MYO5B: variants seen among roughly 807,000 people sequenced by gnomAD.
MYO5B encodes unconventional myosin-Vb.
A neutral mutation model predicts 229.3 loss-of-function variants in MYO5B; 143 were observed. The observed-to-expected ratio is 0.62, with a 90% CI of 0.54 to 0.72. MYO5B has a LOEUF of 0.72. Ranked by LOEUF, MYO5B falls within the 30% of genes least tolerant of loss-of-function variation. The probability of loss-of-function intolerance (pLI) is 0.00; values close to 1 mark genes in which losing one functional copy is unlikely to be tolerated. For missense variants in MYO5B, 2,321 were observed against 2,331.0 expected (o/e 1.00, Z 0.09); for synonymous variants, 918 against 885.2 (o/e 1.04, Z -0.66).
chr18:50,107,458 T>C (rs138014776), intron 1 of MYO5B, among the ~76,000 whole-genome samples: 60 of 152,272 alleles, frequency 3.9e-4, no homozygotes, highest in Non-Finnish European at 7.3e-4. Context: ...AGTTCTACCG[T>C]ATTCTCACAT....
chr18:49,937,030 C>T (rs559024961), intron 15 of MYO5B, among the ~76,000 whole-genome samples: 68 of 152,334 alleles, frequency 4.5e-4, no homozygotes, highest in African/African-American at 1.5e-3. Flanking sequence ...ATGGAGGCTA[C>T]GGTCGGCCCC....
At chr18:49,949,760 TA>T (rs1249454173) in intron 14 of MYO5B, among the ~76,000 whole-genome samples, 7 of 152,186 alleles carry the variant, frequency 4.6e-5, no homozygotes. Context: ...TGAAAACCAA[TA>T]AAAAATTAAG....
intron 16 of MYO5B, among the ~76,000 whole-genome samples, chr18:49,934,093 C>G (rs2025224009): frequency 1.3e-5 from 2 of 152,204 alleles, no homozygotes; most frequent in Admixed American, 1.3e-4. Context: ...CCAGGCCGCT[C>G]TCAAACTCCT....
chr18:50,041,078 G>A (rs750713103), intron 2 of MYO5B, among the ~76,000 whole-genome samples: 1 of 152,124 alleles, frequency 6.6e-6, no homozygotes, highest in Non-Finnish European at 1.5e-5. Flanking sequence ...TTAAACAGGA[G>A]GAACTTGGCT....
At chr18:50,114,105 C>T (rs1037081527) in intron 1 of MYO5B, among the ~76,000 whole-genome samples, 2 of 152,156 alleles carry the variant, frequency 1.3e-5, no homozygotes, top group Non-Finnish European at 1.5e-5. Context: ...GGCTTAATGT[C>T]GGCCCTGTAA....
chr18:49,921,443 CCT>C (rs1381518128), intron 17 of MYO5B, among the ~76,000 whole-genome samples: 1 of 152,024 alleles, frequency 6.6e-6, no homozygotes, highest in Non-Finnish European at 1.5e-5. Context: ...GGTGGAAAAG[CCT>C]CTCTTCCTGG....
chr18:50,040,114 C>T, intron 3 of MYO5B, 29 bp downstream of exon 3: 1 of 1,613,098 alleles, frequency 6.2e-7, no homozygotes, highest in Non-Finnish European at 8.5e-7. Context: ...CTTTCCAACG[C>T]ATGCAGCCAA....
intron 2 of MYO5B, among the ~76,000 whole-genome samples, chr18:50,042,343 T>C (rs1028194651): frequency 6.6e-6 from 1 of 152,120 alleles, no homozygotes; most frequent in African/African-American, 2.4e-5. Context: ...TGTAAGAGAA[T>C]TCCCTTTATT....
chr18:50,141,743 G>T (rs1206261917), intron 1 of MYO5B, among the ~76,000 whole-genome samples: 1 of 152,140 alleles, frequency 6.6e-6, no homozygotes, highest in Non-Finnish European at 1.5e-5. Flanking sequence ...AATTATTTAA[G>T]ACCCAGGCAG....
At chr18:50,027,523 T>TC (rs2026344489) in intron 4 of MYO5B, among the ~76,000 whole-genome samples, 1 of 151,982 alleles carries the variant, frequency 6.6e-6, no homozygotes, top group African/African-American at 2.4e-5. Context: ...CTAACTGGGG[T>TC]CTGTGCTAGT....
intron 5 of MYO5B, among the ~76,000 whole-genome samples, chr18:49,996,205 C>T (rs1335731549): frequency 6.6e-6 from 1 of 152,188 alleles, no homozygotes; most frequent in Non-Finnish European, 1.5e-5. Flanking sequence ...TACTAGGCTA[C>T]TTTGCAAAGT....
chr18:50,090,338 C>A (rs1443409047), intron 1 of MYO5B, among the ~76,000 whole-genome samples: 77 of 136,336 alleles, frequency 5.6e-4, no homozygotes, highest in Middle Eastern at 3.7e-3. Flanking sequence ...GCAAGACCCT[C>A]AAAAAAAAAA....
Position 49,974,368 on chromosome 18 carries a change from CCGA to C in MYO5B, c.1301_1303del (p.Ile434_Gly435delinsArg). The C allele has an allele frequency of 6.2e-7, 1 of 1,614,184 alleles. No individual in the cohort carries two copies. Among genetic ancestry groups the C allele is most frequent in the Admixed American group, 1.7e-5 (1 of 60,022 alleles). On this transcript the variant is annotated inframe_deletion, in exon 10 of 40. Transcript: ENST00000285039. ...GGCCTACCCATAGATGTCCAGGACC[CCGA>C]TGAAGGAGTGCTGCTTGAGGGAGGT... is the stretch of plus-strand genomic sequence containing the variant.
chr18:49,956,174 G>A (rs562090196), intron 12 of MYO5B, among the ~76,000 whole-genome samples: 28 of 152,268 alleles, frequency 1.8e-4, no homozygotes, highest in Admixed American at 1.4e-3. Context: ...AATAAGGGCC[G>A]GCAGGAATTA....
At chr18:50,131,369 C>T (rs2032252110) in intron 1 of MYO5B, among the ~76,000 whole-genome samples, 1 of 152,134 alleles carries the variant, frequency 6.6e-6, no homozygotes, top group Admixed American at 6.5e-5. Context: ...TTGAGCACAC[C>T]AATAGGACTA....
At chr18:50,023,176 A>G (rs2026295417) in intron 4 of MYO5B, among the ~76,000 whole-genome samples, 1 of 151,390 alleles carries the variant, frequency 6.6e-6, no homozygotes, top group Non-Finnish European at 1.5e-5. Flanking sequence ...TACTACCATG[A>G]CAGTAAAGAC....
At chr18:50,034,835 G>A (rs546487611) in intron 4 of MYO5B, among the ~76,000 whole-genome samples, 1 of 152,256 alleles carries the variant, frequency 6.6e-6, no homozygotes, top group Admixed American at 6.5e-5. Context: ...TCTAATGCAT[G>A]TTCATAAGCA....
chr18:50,145,513 A>C (rs2032487711), intron 1 of MYO5B, among the ~76,000 whole-genome samples: 2 of 31,610 alleles, frequency 6.3e-5, no homozygotes, highest in East Asian at 2.6e-3. Flanking sequence ...AAAAAAAAAA[A>C]AAAAAAAAAA....
chr18:50,037,788 C>T (rs143743021), intron 3 of MYO5B, among the ~76,000 whole-genome samples: 19 of 152,074 alleles, frequency 1.2e-4, no homozygotes, highest in African/African-American at 2.9e-4. Context: ...CCCAGCTGCT[C>T]GAGGAGTCTG....
Sources: allele counts gnomAD v4.1 joint callset (sites outside exome capture counted in the v4.1 genomes callset), GRCh38; gene constraint gnomAD v4.1.1; transcripts MANE v1.5; gene names NCBI Gene and HGNC (gene_info 2026-07-23, HGNC 2026-07-21).